ZNF736: variants seen among roughly 807,000 people sequenced by gnomAD.
The protein encoded by ZNF736 is zinc finger protein 736.
A neutral mutation model predicts 11.7 loss-of-function variants in ZNF736; 6 were observed. The ratio of observed to expected loss-of-function variants is 0.51; its 90% confidence interval spans 0.28 to 1.01. ZNF736 has a LOEUF of 1.01. Among genes scored for constraint, ZNF736 ranks in the 50% least tolerant of loss-of-function variants. The probability of loss-of-function intolerance (pLI) is 0.09; values close to 1 mark genes in which losing one functional copy is unlikely to be tolerated. For missense variants in ZNF736, 444 were observed against 496.0 expected, an observed-to-expected ratio of 0.90 and a Z score of 1.00; for synonymous variants, 139 against 164.7, an observed-to-expected ratio of 0.84 and a Z score of 1.19.
intron 1 of ZNF736, among the ~76,000 whole-genome samples, chr7:64,335,994 G>A (rs1562672704): frequency 1.3e-5 from 2 of 152,218 alleles, no homozygotes; most frequent in Admixed American, 1.3e-4. Flanking sequence ...GTAGCATTAA[G>A]AAATGTACAT....
Position 64,351,562 on chromosome 7 carries a change from G to A in ZNF736, c.*2415G>A, listed in dbSNP as rs1789489606. 6.6e-6 allele frequency: 1 copy of A among 152,316 alleles called. No individual in the cohort carries two copies. Among genetic ancestry groups the A allele is most frequent in the South Asian group, 2.1e-4 (1 of 4,836 alleles). The allele number at this position is 152,316 out of a possible 1,614,324, so 9.4% of individuals were successfully genotyped here. ...CTGGGAGAGGCCAGCAGACCAAGGA[G>A]TGCTCAGTTGGACCAGCTTCTTCTG... is the stretch of plus-strand genomic sequence containing the variant. On this transcript the variant is annotated 3_prime_UTR_variant, in exon 4 of 4. Coordinates refer to ENST00000423484, the MANE Select transcript of ZNF736 (RefSeq NM_001170905.3).
chr7:64,317,935 TC>T lies in ZNF736; in HGVS notation c.3+3783del, dbSNP rs1226285985. On this transcript the variant is annotated intron_variant, in intron 1 of 3. Transcript: ENST00000423484. ...CATCTGTTTCTAAAATATTTTTTTT[TC>T]ATCAAGAAACACATTTTCTTTGTAC... Among the ~76,000 whole-genome samples, 4 of 152,096 alleles carry T rather than the reference TC, an allele frequency of 2.6e-5. No individual in the cohort carries two copies. In the East Asian group the frequency reaches 5.8e-4, roughly 22 times the overall value.
rs1299362281 is a variant in ZNF736, at chr7:64,327,003, G to A, written c.4-9256G>A. On this transcript the variant is annotated intron_variant, in intron 1 of 3. Coordinates refer to ENST00000423484, the MANE Select transcript of ZNF736 (RefSeq NM_001170905.3). Reference sequence around the variant, plus strand: ...TTGAGAATAATCCAAGGGCTGAAGTGTAGCATTTGTATTCTGTAGCTTTTT... The same window carrying A: ...TTGAGAATAATCCAAGGGCTGAAGTATAGCATTTGTATTCTGTAGCTTTTT... 3.9e-5 allele frequency among the ~76,000 whole-genome samples: 6 copies of A among 152,282 alleles called. No homozygotes were observed. The South Asian group carries it at 1.2e-3, about 32-fold the overall frequency.
In ZNF736 at chr7:64,348,979, A is replaced by C; in HGVS notation, c.1116A>C (p.Glu372Asp). ...TGGAAGAGAGACCTTACAAATGTGA[A>C]GAATGCAGCAAAACCTTTAAGTGCT... ...IHMEERPYKCEECSKTFKCFS... is the reference protein window; with the variant it reads ...IHMEERPYKCDECSKTFKCFS... Residue 372 changes from glutamate (E) to aspartate (D), a missense_variant, in exon 4 of 4, where the codon GAA becomes GAC. Coordinates refer to ENST00000423484, the MANE Select transcript of ZNF736 (RefSeq NM_001170905.3). The C allele has an allele frequency of 6.3e-7, 1 of 1,589,498 alleles. No individual in the cohort carries two copies. Among genetic ancestry groups the C allele is most frequent in the Non-Finnish European group, 8.6e-7 (1 of 1,167,178 alleles).
At chr7:64,327,761 A>G (rs1444315811) in intron 1 of ZNF736, among the ~76,000 whole-genome samples, 1 of 152,164 alleles carries the variant, frequency 6.6e-6, no homozygotes, top group East Asian at 1.9e-4. Flanking sequence ...CTTATAACCC[A>G]TTATTTTAAA....
At chr7:64,324,952 C>T (rs994822512) in intron 1 of ZNF736, among the ~76,000 whole-genome samples, 10 of 152,256 alleles carry the variant, frequency 6.6e-5, no homozygotes, top group Middle Eastern at 6.8e-3. Flanking sequence ...GCAGCTGTAA[C>T]CTTTGTTTTT....
At chr7:64,328,237 G>C (rs1789108629) in intron 1 of ZNF736, among the ~76,000 whole-genome samples, 1 of 123,778 alleles carries the variant, frequency 8.1e-6, no homozygotes, top group Non-Finnish European at 1.7e-5. Context: ...CTCTCAGCTT[G>C]TTTGTCAGTT....
At chr7:64,323,454 A>G (rs1418662046) in intron 1 of ZNF736, among the ~76,000 whole-genome samples, 2 of 151,852 alleles carry the variant, frequency 1.3e-5, no homozygotes, top group Non-Finnish European at 2.9e-5. Context: ...AAAAAAAAAT[A>G]CTATTCACAA....
At chr7:64,336,227 T>C in intron 1 of ZNF736, 32 bp from the exon 2 acceptor site, 1 of 1,595,810 alleles carries the variant, frequency 6.3e-7, no homozygotes, top group Non-Finnish European at 8.5e-7. Context: ...ATTCTTTCTA[T>C]GGTCACTTGG....
intron 3 of ZNF736, among the ~76,000 whole-genome samples, chr7:64,347,465 G>A (rs1354833728): frequency 6.6e-6 from 1 of 151,698 alleles, no homozygotes; most frequent in African/African-American, 2.4e-5. Context: ...ACCTCAGGTG[G>A]TCCGCCTGCC....
At chr7:64,338,395 A>G (rs1789289638) in intron 3 of ZNF736, among the ~76,000 whole-genome samples, 1 of 152,212 alleles carries the variant, frequency 6.6e-6, no homozygotes. Flanking sequence ...AATTTTCAGC[A>G]TACATAACAG....
chr7:64,315,697 A>T (rs1271893133), intron 1 of ZNF736, among the ~76,000 whole-genome samples: 1 of 152,082 alleles, frequency 6.6e-6, no homozygotes, highest in Non-Finnish European at 1.5e-5. Context: ...TGCATTTTTC[A>T]AATGTTTGGC....
At position 64,314,003 on chromosome 7, in the gene ZNF736, G is replaced by A. The variant is rs1788874354; in HGVS notation, c.-148G>A. 3 of 1,098,410 alleles carry A rather than the reference G, an allele frequency of 2.7e-6. No homozygotes were observed. The highest frequency in any genetic ancestry group is 2.1e-5 in the Admixed American group (1 of 47,694). 68.0% of individuals were successfully genotyped at this position (1,098,410 alleles called of 1,614,324 possible). ...GCGGGGCCTTTGTCTCCTAGCTTCC[G>A]GGCTCTGATCCTAGTTCGCGTCTCC... On this transcript the variant is annotated 5_prime_UTR_variant, in exon 1 of 4. Transcript: ENST00000423484.
Position 64,336,265 on chromosome 7 carries a change from T to C in ZNF736, c.10T>C (p.Leu4=), listed in dbSNP as rs1243312836. MGV[L]TFRDVAVEFS... is the part of the protein sequence containing the mutation. ...AATATGTTTTGTTTTCCAGGGAGTG[T>C]TGACATTCAGGGATGTGGCTGTAGA... is the stretch of plus-strand genomic sequence containing the variant. The change falls in exon 2 of 4, where the codon TTG becomes CTG. Residue 4 remains leucine, a synonymous_variant. Transcript: ENST00000423484. 1 of 1,612,044 alleles carries C rather than the reference T, an allele frequency of 6.2e-7. No homozygotes were observed. The highest frequency in any genetic ancestry group is 8.5e-7 in the Non-Finnish European group (1 of 1,178,936).
At chr7:64,322,163 A>G (rs1420810627) in intron 1 of ZNF736, among the ~76,000 whole-genome samples, 2 of 151,968 alleles carry the variant, frequency 1.3e-5, no homozygotes, top group Non-Finnish European at 2.9e-5. Flanking sequence ...ACACCATTTT[A>G]CATTTGCACC....
At chr7:64,322,832 C>T (rs1789020852) in intron 1 of ZNF736, among the ~76,000 whole-genome samples, 2 of 152,144 alleles carry the variant, frequency 1.3e-5, no homozygotes, top group African/African-American at 4.8e-5. Flanking sequence ...ATTATTGGAA[C>T]AGATTAGATA....
intron 3 of ZNF736, among the ~76,000 whole-genome samples, chr7:64,337,877 C>T (rs1402442615): frequency 6.6e-6 from 1 of 151,702 alleles, no homozygotes; most frequent in Non-Finnish European, 1.5e-5. Context: ...GCCTCAGCCT[C>T]CCTAGTAGCT....
chr7:64,344,792 A>G (rs1471344093), intron 3 of ZNF736, among the ~76,000 whole-genome samples: 3 of 152,128 alleles, frequency 2.0e-5, no homozygotes, highest in African/African-American at 7.2e-5. Context: ...AAGAGTTTAT[A>G]TCTGTGCTGC....
chr7:64,348,867 A>T lies in ZNF736; in HGVS notation c.1004A>T (p.His335Leu). ...FSALSKHKRIHTGEKPYICEE... is the reference protein window; with the variant it reads ...FSALSKHKRILTGEKPYICEE... ...GCCCTTAGTAAACATAAGAGAATTC[A>T]TACTGGAGAGAAACCCTACATCTGT... Residue 335 changes from histidine to leucine, a missense_variant, in exon 4 of 4, where the codon CAT becomes CTT. Coordinates refer to ENST00000423484, the MANE Select transcript of ZNF736 (RefSeq NM_001170905.3). 1.2e-6 allele frequency: 2 copies of T among 1,607,116 alleles called. No individual in the cohort carries two copies. Among genetic ancestry groups the T allele is most frequent in the African/African-American group, 1.3e-5 (1 of 74,802 alleles).
Sources: allele counts gnomAD v4.1 joint callset (sites outside exome capture counted in the v4.1 genomes callset), GRCh38; gene constraint gnomAD v4.1.1; transcripts MANE v1.5; gene names NCBI Gene and HGNC (gene_info 2026-07-23, HGNC 2026-07-21).